The following FAT3 variants were observed in gnomAD, a reference collection of about 807,000 sequenced individuals.
FAT3 encodes protocadherin Fat 3.
A neutral mutation model predicts 310.2 loss-of-function variants in FAT3; 95 were observed. That is an observed-to-expected ratio of 0.31 (90% CI 0.26 to 0.36). The LOEUF (loss-of-function observed/expected upper bound fraction) is 0.36. FAT3 is among the 10% of genes least tolerant of loss of function. FAT3 has a pLI of 1.00. For missense variants in FAT3, 5,408 were observed against 5,715.6 expected, an observed-to-expected ratio of 0.95 and a Z score of 1.74; for synonymous variants, 2,314 against 2,192.9, an observed-to-expected ratio of 1.06 and a Z score of -1.54.
At chr11:92,885,407 A>C (rs1302475701) in intron 24 of FAT3, among the ~76,000 whole-genome samples, 1 of 152,160 alleles carries the variant, frequency 6.6e-6, no homozygotes, top group Admixed American at 6.5e-5. Flanking sequence ...TCTTACCAGC[A>C]CTGTTCTTGG....
At chr11:92,594,115 T>G (rs1181635733) in intron 3 of FAT3, among the ~76,000 whole-genome samples, 1 of 152,160 alleles carries the variant, frequency 6.6e-6, no homozygotes, top group Admixed American at 6.5e-5. Context: ...CAAGACCTTG[T>G]GATATCCATC....
At chr11:92,378,221 T>C (rs1353413879) in intron 2 of FAT3, among the ~76,000 whole-genome samples, 2 of 152,244 alleles carry the variant, frequency 1.3e-5, no homozygotes, top group Admixed American at 6.5e-5. Context: ...CACTTTCTTA[T>C]AAATGTGGTT....
chr11:92,340,063 G>T (rs1270083636), intron 1 of FAT3, among the ~76,000 whole-genome samples: 1 of 132,846 alleles, frequency 7.5e-6, no homozygotes, highest in African/African-American at 3.0e-5. Flanking sequence ...AGTGAGTGGA[G>T]ATGTTGCCAC....
At chr11:92,651,921 A>G (rs1452720843) in intron 3 of FAT3, among the ~76,000 whole-genome samples, 1 of 152,206 alleles carries the variant, frequency 6.6e-6, no homozygotes, top group Non-Finnish European at 1.5e-5. Flanking sequence ...CCTTAAAGAA[A>G]TGAAAATCAA....
intron 4 of FAT3, among the ~76,000 whole-genome samples, chr11:92,697,683 T>G (rs962440715): frequency 4.6e-5 from 7 of 152,182 alleles, no homozygotes; most frequent in African/African-American, 7.2e-5. Flanking sequence ...CAATGGTGTA[T>G]CACCGTCTCT....
chr11:92,533,580 A>G (rs939342365), intron 3 of FAT3, among the ~76,000 whole-genome samples: 1 of 152,134 alleles, frequency 6.6e-6, no homozygotes, highest in African/African-American at 2.4e-5. Context: ...ACAGGCAGGG[A>G]TAGGGAGCTT....
intron 2 of FAT3, among the ~76,000 whole-genome samples, chr11:92,412,135 G>A (rs1329566460): frequency 7.2e-5 from 11 of 151,802 alleles, no homozygotes; most frequent in Admixed American, 6.6e-4. Context: ...ATGGAGTCTC[G>A]CTCTGTCGCC....
At chr11:92,717,698 T>C (rs150216731) in intron 4 of FAT3, among the ~76,000 whole-genome samples, 1 of 152,316 alleles carries the variant, frequency 6.6e-6, no homozygotes, top group East Asian at 1.9e-4. Flanking sequence ...TAACTTAAAA[T>C]TGATTTTAGT....
chr11:92,715,434 A>T (rs1405165853), intron 4 of FAT3, among the ~76,000 whole-genome samples: 2 of 151,808 alleles, frequency 1.3e-5, no homozygotes, highest in Non-Finnish European at 2.9e-5. Flanking sequence ...AAATAAAAAT[A>T]AAAAATTAAT....
intron 3 of FAT3, among the ~76,000 whole-genome samples, chr11:92,690,902 AT>A (rs1943779708): frequency 6.6e-6 from 1 of 152,168 alleles, no homozygotes; most frequent in Non-Finnish European, 1.5e-5. Flanking sequence ...CAGTGTGTGT[AT>A]TTTCCCTATT....
chr11:92,592,829 C>T (rs1399481501), intron 3 of FAT3, among the ~76,000 whole-genome samples: 1 of 151,768 alleles, frequency 6.6e-6, no homozygotes, highest in Non-Finnish European at 1.5e-5. Context: ...TGGTAAAATC[C>T]ATAACATAAA....
At chr11:92,791,113 G>A (rs539429311) in intron 8 of FAT3, among the ~76,000 whole-genome samples, 1 of 152,322 alleles carries the variant, frequency 6.6e-6, no homozygotes, top group East Asian at 1.9e-4. Context: ...AAGCTTGAGT[G>A]TCATGCACTT....
At chr11:92,773,995 A>G (rs1310078509) in intron 6 of FAT3, 46 bp from the exon 7 acceptor site, 3 of 1,605,232 alleles carry the variant, frequency 1.9e-6, no homozygotes, top group African/African-American at 2.7e-5. Flanking sequence ...AATGCATGTA[A>G]CAAGTTATCA....
chr11:92,504,139 G>A (rs1448963559), intron 2 of FAT3, among the ~76,000 whole-genome samples: 1 of 152,090 alleles, frequency 6.6e-6, no homozygotes, highest in Non-Finnish European at 1.5e-5. Flanking sequence ...TAACTGTCAG[G>A]TCCACATCAT....
chr11:92,300,405 G>C (rs1271103337), intron 1 of FAT3, among the ~76,000 whole-genome samples: 1 of 152,070 alleles, frequency 6.6e-6, no homozygotes, highest in Non-Finnish European at 1.5e-5. Context: ...AACTTCAAAG[G>C]CTGGGGCTTT....
rs1242401759 is a variant in FAT3 at position 92,892,767 on chromosome 11, G to A, written c.*1654G>A. 1 of 152,100 alleles carries A rather than the reference G, an allele frequency of 6.6e-6. No homozygotes were observed. The highest frequency in any genetic ancestry group is 6.5e-5 in the Admixed American group (1 of 15,274). The allele number at this position is 152,100 out of a possible 1,614,324, so 9.4% of individuals were successfully genotyped here. ...TTATAATTTTCCAGAACTTACCTCT[G>A]TTTTAAAAGTGTGTAATGTTTGATT... On this transcript the variant is annotated 3_prime_UTR_variant, in exon 28 of 28. Transcript: ENST00000525166.
At chr11:92,806,018 C>T (rs1947497595) in intron 11 of FAT3, among the ~76,000 whole-genome samples, 1 of 152,116 alleles carries the variant, frequency 6.6e-6, no homozygotes, top group Admixed American at 6.6e-5. Flanking sequence ...TACTGGGGCT[C>T]AAGAGAAAAA....
chr11:92,435,522 T>TTCCTTC (rs1950913798), intron 2 of FAT3, among the ~76,000 whole-genome samples: 1 of 72,934 alleles, frequency 1.4e-5, no homozygotes, highest in Admixed American at 1.8e-4. Flanking sequence ...TTCCTTCCTT[T>TTCCTTC]CTCTTTCTTT....
chr11:92,871,927 A>T (rs559010363), intron 22 of FAT3, among the ~76,000 whole-genome samples: 3 of 152,294 alleles, frequency 2.0e-5, no homozygotes, highest in South Asian at 4.1e-4. Context: ...CAGACATAGG[A>T]CATTCAGGAA....
Sources: gnomAD v4.1 joint callset for allele counts (sites outside exome capture counted in the v4.1 genomes callset) on GRCh38, gnomAD v4.1.1 for gene constraint, MANE v1.5 for transcripts, NCBI Gene and HGNC (gene_info 2026-07-23, HGNC 2026-07-21) for gene names.